The following FARS2 variants were observed in gnomAD, a reference collection of about 807,000 sequenced individuals.
The protein encoded by FARS2 is phenylalanyl-tRNA synthetase 2, mitochondrial.
A neutral mutation model predicts 46.4 loss-of-function variants in FARS2; 40 were observed. That is an observed-to-expected ratio of 0.86 (90% CI 0.67 to 1.12). The LOEUF (loss-of-function observed/expected upper bound fraction) is 1.12, where lower values mean the gene tolerates loss of function less well. Among genes scored for constraint, FARS2 ranks in the 50% most tolerant of loss-of-function variants. The pLI is 0.00. For missense variants in FARS2, 513 were observed against 567.9 expected, an observed-to-expected ratio of 0.90 and a Z score of 0.98; for synonymous variants, 234 against 214.9, an observed-to-expected ratio of 1.09 and a Z score of -0.78.
At chr6:5,413,176 G>A (rs1762034942) in intron 3 of FARS2, among the ~76,000 whole-genome samples, 1 of 152,188 alleles carries the variant, frequency 6.6e-6, no homozygotes, top group Non-Finnish European at 1.5e-5. Context: ...GGTTGAGATA[G>A]CAATAGTTGA....
chr6:5,473,415 T>C (rs1765914238), intron 4 of FARS2, among the ~76,000 whole-genome samples: 1 of 151,654 alleles, frequency 6.6e-6, no homozygotes, highest in Non-Finnish European at 1.5e-5. Flanking sequence ...TAGTCCCCGC[T>C]ACTTGGGAGG....
chr6:5,412,601 T>A (rs1761998293), intron 3 of FARS2, among the ~76,000 whole-genome samples: 1 of 152,184 alleles, frequency 6.6e-6, no homozygotes, highest in Non-Finnish European at 1.5e-5. Flanking sequence ...TTCCATACCT[T>A]TTCATATTTT....
intron 4 of FARS2, among the ~76,000 whole-genome samples, chr6:5,515,699 G>A (rs1055527325): frequency 2.0e-5 from 3 of 152,184 alleles, no homozygotes; most frequent in African/African-American, 7.2e-5. Flanking sequence ...AAAGTGCTGG[G>A]ATTATAGGTG....
chr6:5,734,091 C>A (rs1271597033), intron 6 of FARS2, among the ~76,000 whole-genome samples: 1 of 152,154 alleles, frequency 6.6e-6, no homozygotes, highest in Non-Finnish European at 1.5e-5. Flanking sequence ...CCGAAACCTG[C>A]TGTGGACAAT....
chr6:5,428,816 C>T (rs955400799), intron 3 of FARS2, among the ~76,000 whole-genome samples: 7 of 152,114 alleles, frequency 4.6e-5, no homozygotes, highest in African/African-American at 7.2e-5. Context: ...ACTCAGGGGA[C>T]GTGGGGACAG....
chr6:5,405,480 CT>C (rs398000284), intron 3 of FARS2, among the ~76,000 whole-genome samples: 7,329 of 58,796 alleles, frequency 0.12, 96 homozygotes, highest in East Asian at 0.27. Context: ...GAGCAAGGTT[CT>C]TTTTTTTTTT....
chr6:5,381,685 G>C (rs892131124), intron 2 of FARS2, among the ~76,000 whole-genome samples: 18 of 152,280 alleles, frequency 1.2e-4, no homozygotes, highest in African/African-American at 4.3e-4. Flanking sequence ...TATGTTTGGT[G>C]GTCGATTATG....
At chr6:5,260,927 C>CG, upstream of FARS2, 4 of 1,355,802 alleles carry the variant, frequency 3.0e-6, no homozygotes, top group Non-Finnish European at 3.8e-6. Flanking sequence ...CGCGCCGCTT[C>CG]GGGGGCGGGC....
intron 4 of FARS2, among the ~76,000 whole-genome samples, chr6:5,498,296 A>G (rs1162905654): frequency 6.6e-6 from 1 of 152,232 alleles, no homozygotes; most frequent in Non-Finnish European, 1.5e-5. Context: ...TAGAGTTTTC[A>G]GGCTCCTTAT....
intron 5 of FARS2, among the ~76,000 whole-genome samples, chr6:5,580,931 A>G (rs1442125956): frequency 1.3e-5 from 2 of 152,234 alleles, no homozygotes; most frequent in African/African-American, 4.8e-5. Flanking sequence ...ATGAACGATA[A>G]ACAGAACCTT....
intron 6 of FARS2, among the ~76,000 whole-genome samples, chr6:5,720,330 G>A (rs967485278): frequency 6.6e-6 from 1 of 152,170 alleles, no homozygotes; most frequent in African/African-American, 2.4e-5. Context: ...ACTCAAACGT[G>A]TATGAGCCCT....
intron 1 of FARS2, among the ~76,000 whole-genome samples, chr6:5,265,599 A>T (rs1765498678): frequency 6.6e-6 from 1 of 152,224 alleles, no homozygotes; most frequent in Non-Finnish European, 1.5e-5. Context: ...CATTCAAGAG[A>T]TAGCTGGCAG....
chr6:5,725,207 C>G (rs1760170840), intron 6 of FARS2, among the ~76,000 whole-genome samples: 1 of 152,212 alleles, frequency 6.6e-6, no homozygotes, highest in Non-Finnish European at 1.5e-5. Context: ...TGGCCAAATT[C>G]GTAGCCTGTT....
chr6:5,348,014 T>C (rs1280982696), intron 1 of FARS2, among the ~76,000 whole-genome samples: 1 of 152,214 alleles, frequency 6.6e-6, no homozygotes, highest in Non-Finnish European at 1.5e-5. Flanking sequence ...CTTTTATTGA[T>C]TTGTTTTTAA....
chr6:5,504,569 G>A (rs1030852305), intron 4 of FARS2, among the ~76,000 whole-genome samples: 1 of 151,822 alleles, frequency 6.6e-6, no homozygotes, highest in Non-Finnish European at 1.5e-5. Flanking sequence ...CATTGAAGAC[G>A]TCAACAACTT....
At chr6:5,291,017 G>T (rs1423307659) in intron 1 of FARS2, 2 of 152,232 alleles carry the variant, frequency 1.3e-5, no homozygotes, top group Non-Finnish European at 2.9e-5. Context: ...ACCATGCCTA[G>T]CCTGTGCTAA....
At chr6:5,376,552 C>G (rs895579128) in intron 2 of FARS2, among the ~76,000 whole-genome samples, 5 of 152,042 alleles carry the variant, frequency 3.3e-5, no homozygotes, top group Admixed American at 1.3e-4. Context: ...AAAAACCCAT[C>G]AAGAGGAGCA....
At chr6:5,695,820 T>A (rs1758069257) in intron 6 of FARS2, among the ~76,000 whole-genome samples, 1 of 152,066 alleles carries the variant, frequency 6.6e-6, no homozygotes, top group Non-Finnish European at 1.5e-5. Context: ...CACCAAAAAA[T>A]TGGATCAGGA....
At chr6:5,601,715 G>A (rs60633831) in intron 5 of FARS2, among the ~76,000 whole-genome samples, 6,242 of 152,096 alleles carry the variant, frequency 0.041, 418 homozygotes, top group African/African-American at 0.14. Flanking sequence ...GATTGGTAAT[G>A]GTGGCTATCT....
Sources: gnomAD v4.1 joint callset for allele counts (sites outside exome capture counted in the v4.1 genomes callset) on GRCh38, gnomAD v4.1.1 for gene constraint, MANE v1.5 for transcripts, NCBI Gene and HGNC (gene_info 2026-07-23, HGNC 2026-07-21) for gene names.